Variants in TP63 observed in about 807,000 individuals in gnomAD.
The protein encoded by TP63 is tumor protein p63.
In TP63, 17 loss-of-function variants were observed where a neutral mutation model predicts 82.8. The observed-to-expected ratio is 0.21, with a 90% CI of 0.14 to 0.31. TP63 has a LOEUF of 0.31. Among genes scored for constraint, TP63 ranks in the 10% least tolerant of loss-of-function variants. The pLI is 1.00. For synonymous variants in TP63, 330 were observed against 321.7 expected (o/e 1.03, Z -0.28); for missense variants, 648 against 895.3 (o/e 0.72, Z 3.52).
At chr3:189,603,153 C>T in the TP63 span, among the ~76,000 whole-genome samples, 2 of 152,196 alleles carry the variant, frequency 1.3e-5, no homozygotes, top group African/African-American at 2.4e-5. Context: ...GACAGGCAAA[C>T]GTGCTGATTC....
At chr3:189,678,591 T>A (rs1715646787) in intron 1 of TP63, among the ~76,000 whole-genome samples, 1 of 152,088 alleles carries the variant, frequency 6.6e-6, no homozygotes, top group Non-Finnish European at 1.5e-5. Context: ...TCATATAAAT[T>A]TCGGGTTTGT....
chr3:189,857,423 T>C (rs1317445253), intron 4 of TP63, among the ~76,000 whole-genome samples: 1 of 152,170 alleles, frequency 6.6e-6, no homozygotes, highest in Non-Finnish European at 1.5e-5. Flanking sequence ...ATAAATCTAC[T>C]TGAAGAAAAC....
chr3:189,720,736 G>GGA (rs1302388890), intron 1 of TP63, among the ~76,000 whole-genome samples: 2 of 120,934 alleles, frequency 1.7e-5, no homozygotes, highest in East Asian at 4.8e-4. Flanking sequence ...CTCCGTCTCA[G>GGA]AAAAAAAAAA....
At chr3:189,725,493 A>G (rs977373196) in intron 1 of TP63, among the ~76,000 whole-genome samples, 3 of 152,218 alleles carry the variant, frequency 2.0e-5, no homozygotes, top group Non-Finnish European at 4.4e-5. Flanking sequence ...AATAATACGT[A>G]TCCCGTTGTG....
rs531202089 is a variant in TP63 at position 189,686,215 on chromosome 3, T to C, written c.63-51525T>C. On this transcript the variant is annotated intron_variant, in intron 1 of 13. Transcript: ENST00000264731. Reference sequence around the variant, plus strand: ...TCAGGCCTCCATCCTGATCACTAATTTTTGAGTTTGTCCCTTGAACTTTTA... The same window carrying C: ...TCAGGCCTCCATCCTGATCACTAATCTTTGAGTTTGTCCCTTGAACTTTTA... Among the ~76,000 whole-genome samples the C allele has an allele frequency of 1.5e-3, 232 of 150,094 alleles. 1 individual carries two copies. The highest frequency in any genetic ancestry group is 5.4e-3 in the African/African-American group (218 of 40,316).
At chr3:189,612,267 G>A in the TP63 span, among the ~76,000 whole-genome samples, 1,135 of 149,654 alleles carry the variant, frequency 7.6e-3, 13 homozygotes, top group African/African-American at 0.025. Flanking sequence ...CACATGTTGT[G>A]GGAAGCACCG....
intron 1 of TP63, among the ~76,000 whole-genome samples, chr3:189,657,318 T>G (rs899799054): frequency 2.0e-5 from 3 of 152,122 alleles, no homozygotes; most frequent in East Asian, 1.9e-4. Context: ...GCATAAAAAA[T>G]GAACCTCAAT....
chr3:189,880,885 G>C (rs1719836959), intron 10 of TP63: 6 of 985,246 alleles, frequency 6.1e-6, no homozygotes, highest in African/African-American at 1.7e-5. Flanking sequence ...GTTGGCATCT[G>C]TTATGCTAAA....
At chr3:189,741,962 G>A (rs143743006) in intron 3 of TP63, among the ~76,000 whole-genome samples, 1 of 151,828 alleles carries the variant, frequency 6.6e-6, no homozygotes, top group East Asian at 1.9e-4. Context: ...ATTACTTTAG[G>A]CCAGGTGCAT....
chr3:189,881,175 G>T, intron 10 of TP63: 3 of 980,512 alleles, frequency 3.1e-6, no homozygotes, highest in Non-Finnish European at 3.6e-6. Context: ...ATTTAGCCAG[G>T]AGACTTACGT....
At chr3:189,767,093 C>CT (rs1197724373) in intron 3 of TP63, among the ~76,000 whole-genome samples, 2 of 152,134 alleles carry the variant, frequency 1.3e-5, no homozygotes, top group Non-Finnish European at 2.9e-5. Flanking sequence ...TTCCCCATAA[C>CT]TTTTTGTTTG....
the TP63 span, among the ~76,000 whole-genome samples, chr3:189,610,656 A>G: frequency 6.6e-6 from 1 of 152,170 alleles, no homozygotes; most frequent in Non-Finnish European, 1.5e-5. Context: ...TGAGCCCTCC[A>G]AACTGTTCCA....
At chr3:189,813,231 AAAC>A (rs1727769984) in intron 4 of TP63, among the ~76,000 whole-genome samples, 1 of 152,224 alleles carries the variant, frequency 6.6e-6, no homozygotes, top group African/African-American at 2.4e-5. Context: ...GTATAATGAC[AAAC>A]TACTGGAAGC....
chr3:189,893,929 A>T (rs1455262204), intron 13 of TP63, among the ~76,000 whole-genome samples: 1 of 152,072 alleles, frequency 6.6e-6, no homozygotes, highest in Non-Finnish European at 1.5e-5. Context: ...TTGCCCTCTC[A>T]TCTAGCTATT....
upstream of TP63, among the ~76,000 whole-genome samples, chr3:189,630,553 C>T (rs966052861): frequency 6.6e-6 from 1 of 151,804 alleles, no homozygotes; most frequent in Non-Finnish European, 1.5e-5. Context: ...AGAGTGGAGC[C>T]GACTGAGAGA....
intron 1 of TP63, among the ~76,000 whole-genome samples, chr3:189,716,984 G>A (rs144761274): frequency 1.3e-3 from 196 of 152,168 alleles, no homozygotes; most frequent in African/African-American, 4.5e-3. Flanking sequence ...TTTCAGTAGA[G>A]ACTGGGTTTC....
chr3:189,601,369 T>C, the TP63 span, among the ~76,000 whole-genome samples: 3 of 152,132 alleles, frequency 2.0e-5, no homozygotes, highest in Non-Finnish European at 4.4e-5. Flanking sequence ...TGCCAGTGTC[T>C]GGTTGAAGTA....
At chr3:189,670,553 CAT>C (rs1340563882) in intron 1 of TP63, among the ~76,000 whole-genome samples, 1 of 151,904 alleles carries the variant, frequency 6.6e-6, no homozygotes, top group Non-Finnish European at 1.5e-5. Context: ...CTAAATGACT[CAT>C]GAGTGAAAGA....
chr3:189,664,283 A>G (rs1330774118), intron 1 of TP63, among the ~76,000 whole-genome samples: 1 of 152,214 alleles, frequency 6.6e-6, no homozygotes, highest in Non-Finnish European at 1.5e-5. Flanking sequence ...AATTTATTGC[A>G]TGCCTATCTC....
Sources: allele counts gnomAD v4.1 joint callset (sites outside exome capture counted in the v4.1 genomes callset), GRCh38; gene constraint gnomAD v4.1.1; transcripts MANE v1.5; gene names NCBI Gene and HGNC (gene_info 2026-07-23, HGNC 2026-07-21).